Variants in SLC7A2 observed in about 807,000 individuals in gnomAD.
SLC7A2 encodes the protein cationic amino acid transporter 2.
In SLC7A2, 48 loss-of-function variants were observed where a neutral mutation model predicts 58.9. The observed-to-expected ratio is 0.82, with a 90% CI of 0.65 to 1.04. The LOEUF is 1.04. SLC7A2 is among the 50% of genes least tolerant of loss of function. The pLI, the probability that SLC7A2 is intolerant of heterozygous loss-of-function variation, is 0.00. For missense variants in SLC7A2, 1,029 were observed against 818.8 expected, an observed-to-expected ratio of 1.26 and a Z score of -3.13; for synonymous variants, 363 against 314.5, an observed-to-expected ratio of 1.15 and a Z score of -1.63.
chr8:17,517,458 A>G (rs193130609), intron 2 of SLC7A2, among the ~76,000 whole-genome samples: 2 of 152,288 alleles, frequency 1.3e-5, no homozygotes, highest in Admixed American at 1.3e-4. Flanking sequence ...GTACTAGAAA[A>G]TGTTACATGT....
chr8:17,517,732 G>C (rs1307119275), intron 2 of SLC7A2, among the ~76,000 whole-genome samples: 2 of 152,132 alleles, frequency 1.3e-5, no homozygotes, highest in African/African-American at 4.8e-5. Flanking sequence ...ATCTATTGGA[G>C]ATGAAGTTTT....
intron 2 of SLC7A2, among the ~76,000 whole-genome samples, chr8:17,528,043 A>G (rs73666180): frequency 0.012 from 1,811 of 152,202 alleles, 37 homozygotes; most frequent in African/African-American, 0.041. Context: ...GGAAGGAGTA[A>G]CCTTCCAGGA....
intron 2 of SLC7A2, 125 bp from the exon 3 acceptor site, chr8:17,543,189 AACAC>A (rs112878892): frequency 0.16 from 105,815 of 666,270 alleles, 5,230 homozygotes; most frequent in Non-Finnish European, 0.19. Flanking sequence ...TAACAAGTGA[AACAC>A]ACACACACAC....
At position 17,567,055 on chromosome 8, in the gene SLC7A2, CACA is replaced by C. The variant is rs1200218866; in HGVS notation, c.*1910_*1912del. On this transcript the variant is annotated 3_prime_UTR_variant, in exon 13 of 13. Transcript: ENST00000494857. The stretch of plus-strand genomic sequence containing the variant: ...GCTGCTAGCGTTATAGCATCCATGA[CACA>C]GAACTCATTACGGACATTCCACAAC... 2 of 152,596 alleles carry C rather than the reference CACA, an allele frequency of 1.3e-5. No homozygotes were observed. Among genetic ancestry groups the C allele is most frequent in the Non-Finnish European group, 2.9e-5 (2 of 68,022 alleles). 9.5% of individuals were successfully genotyped at this position (152,596 alleles called of 1,614,324 possible).
intron 11 of SLC7A2, 26 bp downstream of exon 11, chr8:17,562,136 C>A: frequency 1.9e-6 from 3 of 1,542,870 alleles, no homozygotes; most frequent in South Asian, 1.1e-5. Flanking sequence ...ATTAGAGACC[C>A]AAAATACTGT....
At chr8:17,554,754 C>G (rs1802612306) in intron 8 of SLC7A2, 55 bp downstream of exon 8, 6 of 1,531,454 alleles carry the variant, frequency 3.9e-6, no homozygotes, top group African/African-American at 1.4e-5. Context: ...ATCAAGGACT[C>G]TGCATTAAAA....
At chr8:17,500,843 C>G (rs931730509) in intron 1 of SLC7A2, among the ~76,000 whole-genome samples, 1 of 143,888 alleles carries the variant, frequency 6.9e-6, no homozygotes, top group South Asian at 2.3e-4. Flanking sequence ...CACACACACA[C>G]AGAATCCCAG....
At chr8:17,550,019 A>G (rs901210856) in intron 5 of SLC7A2, among the ~76,000 whole-genome samples, 2 of 152,178 alleles carry the variant, frequency 1.3e-5, no homozygotes, top group Non-Finnish European at 2.9e-5. Context: ...CTCTGCTCTC[A>G]AAATCCTCCC....
At chr8:17,497,652 A>C (rs926565769) in intron 1 of SLC7A2, among the ~76,000 whole-genome samples, 1 of 152,048 alleles carries the variant, frequency 6.6e-6, no homozygotes, top group African/African-American at 2.4e-5. Flanking sequence ...GGCAGGCTGA[A>C]CCTCCTGGCC....
At chr8:17,551,171 TTTGG>T (rs1256342082) in intron 6 of SLC7A2, among the ~76,000 whole-genome samples, 1 of 152,124 alleles carries the variant, frequency 6.6e-6, no homozygotes, top group African/African-American at 2.4e-5. Context: ...TGTTACGGGT[TTTGG>T]TTGGTTGGTT....
chr8:17,536,516 A>G (rs1450466176), intron 2 of SLC7A2, among the ~76,000 whole-genome samples: 1 of 152,152 alleles, frequency 6.6e-6, no homozygotes, highest in Non-Finnish European at 1.5e-5. Flanking sequence ...GTGAGCCAAG[A>G]TTGCACCACT....
At position 17,544,373 on chromosome 8, in the gene SLC7A2, A is replaced by G. The variant is rs575157381; in HGVS notation, c.377-78A>G. ...TTCAATCTTTTGTGAACTCATGTTTATCCTATAATAGAGTAGCAAATGATG... is the reference window on the plus strand; with the variant it reads ...TTCAATCTTTTGTGAACTCATGTTTGTCCTATAATAGAGTAGCAAATGATG... On this transcript the variant is annotated intron_variant, in intron 3 of 12. Transcript: ENST00000494857. The G allele has an allele frequency of 1.7e-5, 21 of 1,260,412 alleles. No homozygotes were observed. The East Asian group carries it at 4.7e-4, about 28-fold the overall frequency. 78.1% of individuals were successfully genotyped at this position (1,260,412 alleles called of 1,614,324 possible).
At chr8:17,500,000 G>A (rs1340197454) in intron 1 of SLC7A2, 1 of 152,168 alleles carries the variant, frequency 6.6e-6, no homozygotes, top group East Asian at 1.9e-4. Flanking sequence ...TGTTTTATCT[G>A]TCTTCAAATG....
rs1190165414 is a variant in SLC7A2, at chr8:17,563,670, G to A, written c.1739G>A (p.Ser580Asn). The A allele has an allele frequency of 1.2e-6, 2 of 1,613,344 alleles. No individual in the cohort carries two copies. The highest frequency in any genetic ancestry group is 1.7e-6 in the Non-Finnish European group (2 of 1,179,448). ...LVNIYLMVQL[S>N]ADTWVRFSIW... ...AACATTTACTTGATGGTCCAGTTAA[G>A]TGCAGACACTTGGGTCAGATTCAGC... Residue 580 changes from serine to asparagine, a missense_variant, in exon 12 of 13, where the codon AGT becomes AAT. Transcript: ENST00000494857.
At chr8:17,509,648 G>A (rs114385420) in intron 2 of SLC7A2, among the ~76,000 whole-genome samples, 150,402 of 152,248 alleles carry the variant, frequency 0.99, 74,305 homozygotes, top group East Asian at 1. Context: ...AGAAACAAGA[G>A]TGCAATCATT....
At chr8:17,553,488 G>A (rs957173552) in intron 7 of SLC7A2, among the ~76,000 whole-genome samples, 9 of 152,150 alleles carry the variant, frequency 5.9e-5, no homozygotes, top group East Asian at 5.8e-4. Context: ...AGATAAAGAA[G>A]GGCCAGGCAC....
intron 2 of SLC7A2, among the ~76,000 whole-genome samples, chr8:17,541,827 T>G (rs556930285): frequency 1.3e-5 from 2 of 152,226 alleles, no homozygotes; most frequent in Non-Finnish European, 2.9e-5. Context: ...ATATTTTGAA[T>G]GTTTTGCTTT....
intron 2 of SLC7A2, among the ~76,000 whole-genome samples, chr8:17,528,243 A>G (rs574563222): frequency 8.5e-5 from 13 of 152,290 alleles, no homozygotes; most frequent in African/African-American, 3.1e-4. Flanking sequence ...AAAAAGAATT[A>G]ATAGAAGTAG....
chr8:17,528,785 A>G (rs76847923), intron 2 of SLC7A2, among the ~76,000 whole-genome samples: 4,609 of 152,220 alleles, frequency 0.03, 237 homozygotes, highest in African/African-American at 0.11. Flanking sequence ...TACTTGAAGG[A>G]GAAGACTTTT....
Sources: gnomAD v4.1 joint callset for allele counts (sites outside exome capture counted in the v4.1 genomes callset) on GRCh38, gnomAD v4.1.1 for gene constraint, MANE v1.5 for transcripts, NCBI Gene and HGNC (gene_info 2026-07-23, HGNC 2026-07-21) for gene names.